The following NKAIN3 variants were observed in gnomAD, a reference collection of about 807,000 sequenced individuals.
The protein encoded by NKAIN3 is sodium/potassium-transporting ATPase subunit beta-1-interacting protein 3.
In NKAIN3, 25 loss-of-function variants were observed where a neutral mutation model predicts 30.2. The ratio of observed to expected loss-of-function variants is 0.83; its 90% CI spans 0.60 to 1.16. The LOEUF (loss-of-function observed/expected upper bound fraction) is 1.16, where lower values mean the gene tolerates loss of function less well. Among genes scored for constraint, NKAIN3 ranks in the 50% most tolerant of loss-of-function variants. The probability of loss-of-function intolerance (pLI) is 0.00; values close to 1 mark genes in which losing one functional copy is unlikely to be tolerated. For missense variants in NKAIN3, 225 were observed against 254.1 expected (o/e 0.89, Z 0.78); for synonymous variants, 91 against 89.6 (o/e 1.02, Z -0.09).
chr8:62,371,801 T>G (rs1027453814), intron 1 of NKAIN3, among the ~76,000 whole-genome samples: 1 of 151,980 alleles, frequency 6.6e-6, no homozygotes, highest in Non-Finnish European at 1.5e-5. Flanking sequence ...TGTTGCTGTT[T>G]CTAGTTTCAG....
At chr8:62,874,731 A>G (rs1820743277) in intron 4 of NKAIN3, among the ~76,000 whole-genome samples, 1 of 152,238 alleles carries the variant, frequency 6.6e-6, no homozygotes, top group Non-Finnish European at 1.5e-5. Context: ...GATTATCTCA[A>G]TAGATGCAGA....
At chr8:62,931,178 G>A (rs1293706251) in intron 5 of NKAIN3, among the ~76,000 whole-genome samples, 1 of 152,058 alleles carries the variant, frequency 6.6e-6, no homozygotes, top group Non-Finnish European at 1.5e-5. Flanking sequence ...TGGTTTTTAA[G>A]CTAATCCAGC....
intron 4 of NKAIN3, chr8:62,855,441 T>C: frequency 1.7e-6 from 2 of 1,159,988 alleles, no homozygotes; most frequent in Non-Finnish European, 2.6e-6. Context: ...TCTGAATACT[T>C]CATCTTGGGT....
At chr8:62,838,606 A>G (rs137892240) in intron 4 of NKAIN3, among the ~76,000 whole-genome samples, 1 of 152,198 alleles carries the variant, frequency 6.6e-6, no homozygotes, top group East Asian at 1.9e-4. Flanking sequence ...TCAAGCAGAT[A>G]GGGATATTGG....
intron 5 of NKAIN3, among the ~76,000 whole-genome samples, chr8:62,918,816 T>C (rs1171848950): frequency 6.6e-6 from 1 of 152,128 alleles, no homozygotes; most frequent in Non-Finnish European, 1.5e-5. Flanking sequence ...GAGTAGACAG[T>C]CAGCGGTTGT....
At chr8:62,697,170 G>A (rs1165130681) in intron 3 of NKAIN3, among the ~76,000 whole-genome samples, 1 of 152,108 alleles carries the variant, frequency 6.6e-6, no homozygotes, top group Non-Finnish European at 1.5e-5. Context: ...TATTTCACCT[G>A]GAGGAAGAGC....
intron 1 of NKAIN3, among the ~76,000 whole-genome samples, chr8:62,378,976 C>G (rs2129593828): frequency 6.6e-6 from 1 of 152,254 alleles, no homozygotes; most frequent in African/African-American, 2.4e-5. Context: ...TCAATGCCAG[C>G]CTGTGAAAGC....
intron 1 of NKAIN3, among the ~76,000 whole-genome samples, chr8:62,508,224 A>G (rs1807704759): frequency 6.6e-6 from 1 of 152,170 alleles, no homozygotes; most frequent in Admixed American, 6.5e-5. Flanking sequence ...AAGGAAGAGG[A>G]AGGCAATCCC....
intron 3 of NKAIN3, among the ~76,000 whole-genome samples, chr8:62,654,075 A>G (rs1176587686): frequency 6.6e-6 from 1 of 152,106 alleles, no homozygotes; most frequent in East Asian, 1.9e-4. Context: ...TAGAGAAACA[A>G]GAAAAGTCTA....
At chr8:62,376,509 G>A (rs1817088683) in intron 1 of NKAIN3, among the ~76,000 whole-genome samples, 1 of 152,112 alleles carries the variant, frequency 6.6e-6, no homozygotes, top group African/African-American at 2.4e-5. Flanking sequence ...CTGTGATAGG[G>A]ACTCCCAGGT....
At chr8:62,274,625 AG>A (rs1812875372) in intron 1 of NKAIN3, among the ~76,000 whole-genome samples, 1 of 152,030 alleles carries the variant, frequency 6.6e-6, no homozygotes, top group East Asian at 1.9e-4. Flanking sequence ...TTTAAGTTTT[AG>A]GGTACATGTG....
In NKAIN3 at chr8:62,805,420, A is replaced by C. The variant is rs1320744932; in HGVS notation, c.471+58291A>C. On this transcript the variant is annotated intron_variant, in intron 4 of 6. Transcript: ENST00000623646. Reference sequence around the variant, plus strand: ...CAAACTATACTACAAGGCTACAGTAACCAAAACAGCATGGTACTGGTACCA... The same window carrying C: ...CAAACTATACTACAAGGCTACAGTACCCAAAACAGCATGGTACTGGTACCA... 1.2e-4 allele frequency among the ~76,000 whole-genome samples: 19 copies of C among 152,154 alleles called. 1 individual carries two copies. The highest frequency in any genetic ancestry group is 1.2e-3 in the Admixed American group (19 of 15,264).
intron 3 of NKAIN3, among the ~76,000 whole-genome samples, chr8:62,610,111 C>T (rs367700504): frequency 9.2e-5 from 14 of 151,748 alleles, no homozygotes; most frequent in South Asian, 4.2e-4. Flanking sequence ...TTTGGGAGGC[C>T]GAGGCAGGTG....
chr8:62,873,061 G>A (rs1412074616), intron 4 of NKAIN3, among the ~76,000 whole-genome samples: 1 of 152,144 alleles, frequency 6.6e-6, no homozygotes, highest in Non-Finnish European at 1.5e-5. Context: ...TGGATAAGGA[G>A]TTAAGACAAA....
intron 1 of NKAIN3, among the ~76,000 whole-genome samples, chr8:62,289,948 G>C (rs531563684): frequency 9.9e-5 from 15 of 152,052 alleles, no homozygotes; most frequent in African/African-American, 3.6e-4. Context: ...CCCTTGAAGA[G>C]GTCCTTCACA....
At chr8:62,414,282 G>A (rs1404761120) in intron 1 of NKAIN3, among the ~76,000 whole-genome samples, 1 of 152,068 alleles carries the variant, frequency 6.6e-6, no homozygotes, top group Non-Finnish European at 1.5e-5. Context: ...GGGATTTTCT[G>A]TATACTGTGT....
At chr8:62,350,318 A>G (rs1563360276) in intron 1 of NKAIN3, among the ~76,000 whole-genome samples, 1 of 152,232 alleles carries the variant, frequency 6.6e-6, no homozygotes, top group Non-Finnish European at 1.5e-5. Context: ...ACATGCAACA[A>G]CATGCATGAA....
chr8:62,832,973 C>T (rs1300086869), intron 4 of NKAIN3, among the ~76,000 whole-genome samples: 2 of 151,968 alleles, frequency 1.3e-5, no homozygotes, highest in Non-Finnish European at 2.9e-5. Flanking sequence ...TTCAACAAAA[C>T]TTAACATACG....
intron 1 of NKAIN3, among the ~76,000 whole-genome samples, chr8:62,378,354 C>A (rs926151480): frequency 6.6e-6 from 1 of 152,156 alleles, no homozygotes; most frequent in Non-Finnish European, 1.5e-5. Context: ...AAAAGACAAA[C>A]CCATTTTCTA....
Sources: gnomAD v4.1 joint callset for allele counts (sites outside exome capture counted in the v4.1 genomes callset) on GRCh38, gnomAD v4.1.1 for gene constraint, MANE v1.5 for transcripts, NCBI Gene and HGNC (gene_info 2026-07-23, HGNC 2026-07-21) for gene names.